The following TRAPPC10 variants were observed in gnomAD, a reference collection of about 807,000 sequenced individuals.
The protein encoded by TRAPPC10 is TRAPP 130 kDa subunit.
A neutral mutation model predicts 125.5 loss-of-function variants in TRAPPC10; 23 were observed. That is an observed-to-expected ratio of 0.18 (90% CI 0.13 to 0.26). The LOEUF is 0.26. Among genes scored for constraint, TRAPPC10 ranks in the 10% least tolerant of loss-of-function variants. The pLI, the probability that TRAPPC10 is intolerant of heterozygous loss-of-function variation, is 1.00. For missense variants in TRAPPC10, 1,123 were observed against 1,308.4 expected (o/e 0.86, Z 2.19); for synonymous variants, 509 against 518.0 (o/e 0.98, Z 0.24).
Position 44,093,294 on chromosome 21 carries a change from C to G in TRAPPC10, c.2998-769C>G, listed in dbSNP as rs1469754564. Among the ~76,000 whole-genome samples the G allele has an allele frequency of 2.6e-5, 4 of 151,196 alleles. No homozygotes were observed. In the South Asian group the frequency reaches 6.3e-4, roughly 24 times the overall value. On this transcript the variant is annotated intron_variant, in intron 19 of 22. Coordinates refer to ENST00000291574, the MANE Select transcript of TRAPPC10 (RefSeq NM_003274.5). ...AGCAACGTGGCAAACCCCATCTCTA[C>G]AAATACAAAAATTAGTCAGGCATGG...
chr21:44,063,103 A>G lies in TRAPPC10; in HGVS notation c.791-435A>G, dbSNP rs1291069548. 17 of 1,304,572 alleles carry G rather than the reference A, an allele frequency of 1.3e-5. No individual in the cohort carries two copies. The highest frequency in any genetic ancestry group is 1.7e-5 in the Non-Finnish European group (17 of 989,620). 80.8% of individuals were successfully genotyped at this position (1,304,572 alleles called of 1,614,324 possible). A position where few individuals can be genotyped will look rare whatever the true frequency, so the allele number is the denominator to read the frequency against. On this transcript the variant is annotated intron_variant, in intron 6 of 22. Transcript: ENST00000291574. The surrounding 1 kb of genome is among the most constrained non-coding windows in gnomAD (Gnocchi z 4.4). The stretch of plus-strand genomic sequence containing the variant: ...GTTGAGTTAGGGAAATAAGGAAGGA[A>G]TATGTAATCTAAGGAAGACCAAAAA...
intron 3 of TRAPPC10, among the ~76,000 whole-genome samples, chr21:44,039,915 C>T (rs1415144679): frequency 6.6e-6 from 1 of 152,174 alleles, no homozygotes; most frequent in East Asian, 1.9e-4. Context: ...AATTTTATAA[C>T]TTGGAGGGCT....
At chr21:44,075,221 G>A in intron 9 of TRAPPC10, 68 bp downstream of exon 9, 2 of 1,225,998 alleles carry the variant, frequency 1.6e-6, no homozygotes, top group Admixed American at 1.9e-5. Context: ...TTGCAAGTTG[G>A]CACATTTAAC....
chr21:44,045,953 A>AT (rs972296659), intron 3 of TRAPPC10, among the ~76,000 whole-genome samples: 24 of 147,006 alleles, frequency 1.6e-4, no homozygotes, highest in Admixed American at 2.7e-4. Context: ...TTGGGGGTTT[A>AT]TTTTTTTTTT....
At chr21:44,053,514 G>A (rs933530839) in intron 4 of TRAPPC10, among the ~76,000 whole-genome samples, 3 of 152,074 alleles carry the variant, frequency 2.0e-5, no homozygotes, top group Non-Finnish European at 4.4e-5. Flanking sequence ...CTTACTTATC[G>A]TTATAAACAA....
At chr21:44,070,927 G>A (rs922052637) in intron 7 of TRAPPC10, among the ~76,000 whole-genome samples, 3 of 152,228 alleles carry the variant, frequency 2.0e-5, no homozygotes, top group Non-Finnish European at 2.9e-5. Flanking sequence ...CTCCGTTGAG[G>A]CAGGGGTAAC....
At position 44,090,708 on chromosome 21, in the gene TRAPPC10, GC is replaced by G. The variant is rs2038514944; in HGVS notation, c.2870+776del. Among the ~76,000 whole-genome samples, 3 of 152,212 alleles carry G rather than the reference GC, an allele frequency of 2.0e-5. 1 individual carries two copies. Among genetic ancestry groups the G allele is most frequent in the Admixed American group, 2.0e-4 (3 of 15,282 alleles). ...TAGCGTTGATCAATGGGCTCGGGAT[GC>G]TAGCCTGGCCTCTCACCACAACTTT... On this transcript the variant is annotated intron_variant, in intron 18 of 22. Transcript: ENST00000291574.
Position 44,019,800 on chromosome 21 carries a change from C to T in TRAPPC10, c.67+7240C>T, listed in dbSNP as rs928811704. On this transcript the variant is annotated intron_variant, in intron 1 of 22. Coordinates refer to ENST00000291574, the MANE Select transcript of TRAPPC10 (RefSeq NM_003274.5). The stretch of plus-strand genomic sequence containing the variant: ...CACTGTCTGTGTTAGCTACCAAGCG[C>T]GCAGTGGCCGGCATTCATCAAGCGT... 5.3e-5 allele frequency among the ~76,000 whole-genome samples: 8 copies of T among 152,284 alleles called. No individual in the cohort carries two copies. In the South Asian group the frequency reaches 6.2e-4, roughly 12 times the overall value.
chr21:44,079,074 C>A (rs1036962475), intron 11 of TRAPPC10, among the ~76,000 whole-genome samples: 1 of 152,176 alleles, frequency 6.6e-6, no homozygotes, highest in Non-Finnish European at 1.5e-5. Context: ...GCTCTGTGCT[C>A]CCTTCCGCTT....
intron 8 of TRAPPC10, 109 bp downstream of exon 8, chr21:44,074,579 T>A (rs770987965): frequency 7.0e-7 from 1 of 1,437,212 alleles, no homozygotes; most frequent in Non-Finnish European, 9.5e-7. Context: ...TAGATCACGA[T>A]GCATCCACTT....
intron 11 of TRAPPC10, among the ~76,000 whole-genome samples, chr21:44,078,270 C>T (rs191999212): frequency 3.9e-5 from 6 of 152,068 alleles, no homozygotes; most frequent in African/African-American, 1.2e-4. Context: ...CATTCCAGCT[C>T]CAGCTTTGAA....
In TRAPPC10 at chr21:44,016,930, T is replaced by C. The variant is rs193110706; in HGVS notation, c.67+4370T>C. ...TCAGCCTCCCAAAGTGCTGGGATTA[T>C]AGGCATGAGCCACCGCGCCCAGCCA... On this transcript the variant is annotated intron_variant, in intron 1 of 22. Transcript: ENST00000291574. Among the ~76,000 whole-genome samples the C allele has an allele frequency of 3.2e-3, 490 of 152,316 alleles. 9 individuals are homozygous for C. In the South Asian group the frequency reaches 0.037, roughly 11 times the overall value.
intron 2 of TRAPPC10, among the ~76,000 whole-genome samples, chr21:44,036,912 A>C (rs2034025230): frequency 6.6e-6 from 1 of 152,208 alleles, no homozygotes; most frequent in South Asian, 2.1e-4. Flanking sequence ...ATAGATGATA[A>C]GACTTTCAAA....
rs1374509363 is a variant in TRAPPC10 at position 44,019,613 on chromosome 21, C to T, written c.67+7053C>T. 2.6e-5 allele frequency among the ~76,000 whole-genome samples: 4 copies of T among 152,172 alleles called. No homozygotes were observed. In the East Asian group the frequency reaches 7.7e-4, roughly 29 times the overall value. On this transcript the variant is annotated intron_variant, in intron 1 of 22. Transcript: ENST00000291574. ...AACTGACATTATCTTTGAAATATAT[C>T]TAGAATCCAGCTATATATAGGGCCT...
At chr21:44,036,048 T>C (rs1221704882) in intron 2 of TRAPPC10, among the ~76,000 whole-genome samples, 1 of 152,098 alleles carries the variant, frequency 6.6e-6, no homozygotes, top group Non-Finnish European at 1.5e-5. Context: ...CCTGAGGGGC[T>C]TTTCAGAAGG....
rs902575577 is a variant in TRAPPC10, at chr21:44,025,872, G to A, written c.68-6219G>A. On this transcript the variant is annotated intron_variant, in intron 1 of 22. Coordinates refer to ENST00000291574, the MANE Select transcript of TRAPPC10 (RefSeq NM_003274.5). ...TGTGTGTGTGTGTGTGTGTGTGTGT[G>A]TGTGTGTGTCAGAGGGAAGGTAGAG... 3.1e-3 allele frequency among the ~76,000 whole-genome samples: 398 copies of A among 126,700 alleles called. 1 individual carries two copies. The highest frequency in any genetic ancestry group is 5.0e-3 in the Non-Finnish European group (300 of 59,728). The allele number at this position is 126,700 out of a possible 152,430, so 83.1% of individuals were successfully genotyped here.
chr21:44,091,803 C>T (rs2038600241), intron 18 of TRAPPC10, 120 bp from the exon 19 acceptor site: 3 of 947,910 alleles, frequency 3.2e-6, no homozygotes, highest in South Asian at 1.7e-5. Context: ...AACAACTTAG[C>T]TTACTTTGCT....
intron 1 of TRAPPC10, among the ~76,000 whole-genome samples, chr21:44,022,393 C>T (rs866683366): frequency 6.7e-6 from 1 of 150,186 alleles, no homozygotes; most frequent in African/African-American, 2.4e-5. Context: ...AAGCGATTCT[C>T]CTGCCTCAGC....
intron 19 of TRAPPC10, among the ~76,000 whole-genome samples, chr21:44,092,728 C>T (rs1007978347): frequency 1.3e-5 from 2 of 151,896 alleles, no homozygotes; most frequent in Non-Finnish European, 2.9e-5. Flanking sequence ...TGTGCTGGTT[C>T]CTAAAATAAT....
Sources: allele counts gnomAD v4.1 joint callset (sites outside exome capture counted in the v4.1 genomes callset), GRCh38; gene constraint gnomAD v4.1.1; non-coding constraint Gnocchi (gnomAD v3.1); transcripts MANE v1.5; gene names NCBI Gene and HGNC (gene_info 2026-07-23, HGNC 2026-07-21).